Variants in SLC28A3 observed in about 807,000 individuals in gnomAD.
SLC28A3 encodes the protein solute carrier family 28 member 3.
SLC28A3 carries 68 observed loss-of-function variants against 84.2 expected under a neutral mutation model. The observed-to-expected ratio is 0.81, with a 90% CI of 0.66 to 0.99. SLC28A3 has a LOEUF of 0.99. Among genes scored for constraint, SLC28A3 ranks in the 50% least tolerant of loss-of-function variants. SLC28A3 has a pLI of 0.00. For synonymous variants in SLC28A3, 267 were observed against 303.6 expected, an observed-to-expected ratio of 0.88 and a Z score of 1.25; for missense variants, 712 against 841.5, an observed-to-expected ratio of 0.85 and a Z score of 1.90.
At chr9:84,306,193 T>C (rs1360556388) in intron 3 of SLC28A3, among the ~76,000 whole-genome samples, 1 of 152,150 alleles carries the variant, frequency 6.6e-6, no homozygotes, top group East Asian at 1.9e-4. Context: ...ACTTCTTGCA[T>C]ATTTCCCCAT....
chr9:84,293,932 C>T (rs1448353282), intron 9 of SLC28A3, among the ~76,000 whole-genome samples: 2 of 152,154 alleles, frequency 1.3e-5, no homozygotes, highest in Admixed American at 6.5e-5. Context: ...TCAATTCCTC[C>T]GCTAAAGAAG....
rs1465534980 is a variant in SLC28A3, at chr9:84,285,431, C to T, written c.1561G>A (p.Val521Met). 1 of 1,614,170 alleles carries T rather than the reference C, an allele frequency of 6.2e-7. No individual in the cohort carries two copies. The highest frequency in any genetic ancestry group is 1.1e-5 in the South Asian group (1 of 91,090). Residue 521 changes from valine (V) to methionine (M), a missense_variant, in exon 14 of 18, where the codon GTG becomes ATG. Coordinates refer to ENST00000376238, the MANE Select transcript of SLC28A3 (RefSeq NM_001199633.2). ...CATTTTGAGAGGTGCTCATAAGCCA[C>T]AAATTCATTGAAGAAGGTCTTATAA... The part of the protein sequence containing the change: ...IGYKTFFNEF[V>M]AYEHLSKWIH...
At chr9:84,362,881 A>G in the SLC28A3 span, among the ~76,000 whole-genome samples, 4 of 152,142 alleles carry the variant, frequency 2.6e-5, no homozygotes, top group Non-Finnish European at 5.9e-5. Flanking sequence ...AAAGTAATAT[A>G]ATAACTCTTG....
upstream of SLC28A3, among the ~76,000 whole-genome samples, chr9:84,343,309 C>G (rs1827200711): frequency 6.6e-6 from 1 of 152,208 alleles, no homozygotes; most frequent in African/African-American, 2.4e-5. Context: ...GCTCACATAG[C>G]TGGGACTGTG....
In SLC28A3 at chr9:84,278,312, G is replaced by C. The variant is rs773525342; in HGVS notation, c.1982C>G (p.Pro661Arg). The part of the protein sequence containing the change: ...TVAKGPGEVI[P>R]GGNHSLYSLK... ...AGAATACAGACTGTGGTTTCCTCCT[G>C]GGATGACTTCACCAGGACCCTTGGC... The change falls in exon 18 of 18, where the codon CCA becomes CGA. Residue 661 changes from proline (P) to arginine (R), a missense_variant. Pro to Arg is a moderately radical substitution (Grantham distance 103). Transcript: ENST00000376238. The C allele has an allele frequency of 2.2e-5, 35 of 1,614,016 alleles. No homozygotes were observed. Among genetic ancestry groups the C allele is most frequent in the Non-Finnish European group, 2.8e-5 (33 of 1,180,022 alleles).
chr9:84,279,234 T>C (rs1824642200), intron 17 of SLC28A3, 31 bp downstream of exon 17: 1 of 1,571,148 alleles, frequency 6.4e-7, no homozygotes, highest in African/African-American at 1.4e-5. Flanking sequence ...ATTAATGGAG[T>C]ATAAAGAAAT....
At position 84,281,286 on chromosome 9, in the gene SLC28A3, A is replaced by G. The variant is rs528856745; in HGVS notation, c.1648-404T>C. The stretch of plus-strand genomic sequence containing the variant: ...TTTACTTGAAAAAGGACTTATTCAG[A>G]CTATATAAAAAACTGTTATAACTCA... On this transcript the variant is annotated intron_variant, in intron 14 of 17. Transcript: ENST00000376238. Among the ~76,000 whole-genome samples the G allele has an allele frequency of 4.6e-5, 7 of 152,336 alleles. No homozygotes were observed. The South Asian group carries it at 8.3e-4, about 18-fold the overall frequency.
intron 13 of SLC28A3, 30 bp from the exon 14 acceptor site, chr9:84,285,572 A>C: frequency 6.2e-7 from 1 of 1,612,264 alleles, no homozygotes; most frequent in Non-Finnish European, 8.5e-7. Context: ...ACACTTGATT[A>C]GAATAGTGAT....
intron 14 of SLC28A3, among the ~76,000 whole-genome samples, chr9:84,283,994 C>T (rs963258309): frequency 6.6e-6 from 1 of 152,202 alleles, no homozygotes; most frequent in Non-Finnish European, 1.5e-5. Context: ...CAAATGTTCT[C>T]TCTGTGCCTG....
chr9:84,332,581 G>T (rs1009082725), intron 1 of SLC28A3, among the ~76,000 whole-genome samples: 1 of 152,124 alleles, frequency 6.6e-6, no homozygotes, highest in African/African-American at 2.4e-5. Flanking sequence ...AAAACTGAGA[G>T]AATGAGAAGT....
intron 5 of SLC28A3, 69 bp from the exon 6 acceptor site, chr9:84,299,794 ATTTTTT>A: frequency 1.6e-6 from 2 of 1,244,142 alleles, no homozygotes; most frequent in Non-Finnish European, 2.2e-6. Context: ...ATCAGGCTTA[ATTTTTT>A]TTTTTTTTGA....
intron 5 of SLC28A3, among the ~76,000 whole-genome samples, chr9:84,301,946 A>AT (rs1342895717): frequency 6.6e-6 from 1 of 152,174 alleles, no homozygotes; most frequent in Non-Finnish European, 1.5e-5. Flanking sequence ...TTTGGACAAC[A>AT]TTTTATCATT....
At chr9:84,367,039 G>A in the SLC28A3 span, among the ~76,000 whole-genome samples, 1 of 152,058 alleles carries the variant, frequency 6.6e-6, no homozygotes, top group South Asian at 2.1e-4. Flanking sequence ...GGAGTAGAAT[G>A]AAAACCTTAG....
chr9:84,358,211 G>T, the SLC28A3 span, among the ~76,000 whole-genome samples: 1 of 152,186 alleles, frequency 6.6e-6, no homozygotes, highest in East Asian at 1.9e-4. Context: ...GAGGCATGGG[G>T]TTCTATTAGG....
intron 1 of SLC28A3, among the ~76,000 whole-genome samples, chr9:84,314,192 GGTC>G (rs201256158): frequency 2.8e-4 from 43 of 152,204 alleles, no homozygotes; most frequent in African/African-American, 9.9e-4. Flanking sequence ...TGGCAGTAAT[GGTC>G]ATAAGAAAAA....
At chr9:84,285,563 C>T in intron 13 of SLC28A3, 21 bp from the exon 14 acceptor site, 3 of 1,613,380 alleles carry the variant, frequency 1.9e-6, no homozygotes, top group Non-Finnish European at 2.5e-6. Flanking sequence ...CAAAAGTAGA[C>T]ACTTGATTAG....
chr9:84,279,857 TCTAA>T (rs1290966405), intron 16 of SLC28A3, 114 bp downstream of exon 16: 147 of 934,830 alleles, frequency 1.6e-4, no homozygotes, highest in Non-Finnish European at 1.5e-4. Flanking sequence ...TAAGAGCAGC[TCTAA>T]CTCTCAGCTT....
At chr9:84,294,067 G>C in intron 9 of SLC28A3, 128 bp downstream of exon 9, 1 of 734,888 alleles carries the variant, frequency 1.4e-6, no homozygotes, top group East Asian at 2.6e-5. Flanking sequence ...AATCACTTAG[G>C]TGGTGATGGT....
upstream of SLC28A3, among the ~76,000 whole-genome samples, chr9:84,344,604 C>T (rs1588634770): frequency 6.6e-6 from 1 of 152,232 alleles, no homozygotes; most frequent in African/African-American, 2.4e-5. Context: ...GTTTCTTTGA[C>T]ATATTTTGAA....
Sources: gnomAD v4.1 joint callset for allele counts (sites outside exome capture counted in the v4.1 genomes callset) on GRCh38, gnomAD v4.1.1 for gene constraint, MANE v1.5 for transcripts, NCBI Gene and HGNC (gene_info 2026-07-23, HGNC 2026-07-21) for gene names.